The following CACNA2D3 variants were observed in gnomAD, a reference collection of about 807,000 sequenced individuals.
CACNA2D3 encodes the protein voltage-dependent calcium channel subunit alpha-2/delta-3.
Under a neutral mutation model 160.6 loss-of-function variants are expected in CACNA2D3, and 60 were observed. The observed-to-expected ratio is 0.37, with a 90% confidence interval of 0.30 to 0.46. The LOEUF is 0.46. Ranked by LOEUF, CACNA2D3 falls within the 20% of genes least tolerant of loss-of-function variation. The pLI is 1.00. For synonymous variants in CACNA2D3, 558 were observed against 492.9 expected (o/e 1.13, Z -1.75); for missense variants, 1,205 against 1,365.0 (o/e 0.88, Z 1.85).
intron 6 of CACNA2D3, among the ~76,000 whole-genome samples, chr3:54,568,076 A>G (rs1702437450): frequency 6.6e-6 from 1 of 152,230 alleles, no homozygotes; most frequent in Admixed American, 6.5e-5. Context: ...TGTTGGGAAC[A>G]TGTGGCTTGA....
chr3:54,603,161 A>T (rs1305447717), intron 9 of CACNA2D3, among the ~76,000 whole-genome samples: 2 of 152,210 alleles, frequency 1.3e-5, no homozygotes, highest in Non-Finnish European at 2.9e-5. Context: ...GGCAGAATCA[A>T]TTAGGAAGCT....
At chr3:54,687,135 G>GTTTTTTTTTTTTTTTTTTTTTT (rs1290353261) in intron 11 of CACNA2D3, among the ~76,000 whole-genome samples, 2 of 88,906 alleles carry the variant, frequency 2.2e-5, no homozygotes, top group Non-Finnish European at 4.3e-5. Flanking sequence ...TTTTTTTTTT[G>GTTTTTTTTTTTTTTTTTTTTTT]TTTTTTTTTT....
intron 3 of CACNA2D3, among the ~76,000 whole-genome samples, chr3:54,332,414 C>G (rs1348208989): frequency 6.6e-6 from 1 of 152,132 alleles, no homozygotes; most frequent in Non-Finnish European, 1.5e-5. Flanking sequence ...AACATAGCAC[C>G]CAGCCACCCT....
chr3:54,541,298 A>G (rs1420227245), intron 5 of CACNA2D3, among the ~76,000 whole-genome samples: 6 of 126,916 alleles, frequency 4.7e-5, no homozygotes, highest in East Asian at 2.3e-4. Flanking sequence ...AAAAAAAAAA[A>G]AAAGAAAAGA....
At chr3:54,773,441 T>C (rs528758419) in intron 13 of CACNA2D3, among the ~76,000 whole-genome samples, 4 of 152,332 alleles carry the variant, frequency 2.6e-5, no homozygotes, top group African/African-American at 7.2e-5. Flanking sequence ...TGCTGGGTTG[T>C]GGAACAGAGA....
At chr3:54,831,012 A>G (rs1416413941) in intron 14 of CACNA2D3, among the ~76,000 whole-genome samples, 1 of 152,250 alleles carries the variant, frequency 6.6e-6, no homozygotes, top group East Asian at 1.9e-4. Flanking sequence ...ATACATTTAT[A>G]TTATTTACTA....
chr3:54,881,431 CTCTTA>C (rs1054772428), intron 21 of CACNA2D3, among the ~76,000 whole-genome samples: 2 of 152,164 alleles, frequency 1.3e-5, no homozygotes, highest in South Asian at 2.1e-4. Context: ...TTCCCAGACC[CTCTTA>C]TCTTCATAAA....
intron 11 of CACNA2D3, among the ~76,000 whole-genome samples, chr3:54,642,849 TC>T (rs1699553132): frequency 6.6e-6 from 1 of 152,208 alleles, no homozygotes; most frequent in African/African-American, 2.4e-5. Context: ...CTCAGAGGTT[TC>T]TCAAGCTGTT....
At chr3:54,853,842 T>C (rs761171077) in intron 17 of CACNA2D3, among the ~76,000 whole-genome samples, 1 of 152,118 alleles carries the variant, frequency 6.6e-6, no homozygotes, top group Non-Finnish European at 1.5e-5. Flanking sequence ...CTCAGGACCA[T>C]GCATTCTGCC....
intron 5 of CACNA2D3, among the ~76,000 whole-genome samples, chr3:54,559,467 A>G (rs775754380): frequency 7.9e-5 from 12 of 151,812 alleles, no homozygotes; most frequent in Admixed American, 4.6e-4. Flanking sequence ...TAGTTTTTCT[A>G]TTTTTAGTAG....
At chr3:54,326,351 T>A (rs972698899) in intron 3 of CACNA2D3, among the ~76,000 whole-genome samples, 1 of 152,222 alleles carries the variant, frequency 6.6e-6, no homozygotes, top group African/African-American at 2.4e-5. Flanking sequence ...CTGGTGCCTG[T>A]CTACATATGT....
At position 54,989,766 on chromosome 3, in the gene CACNA2D3, G is replaced by A. The variant is rs941701760; in HGVS notation, c.2690+2013G>A. On this transcript the variant is annotated intron_variant, in intron 31 of 37. Coordinates refer to ENST00000474759, the MANE Select transcript of CACNA2D3 (RefSeq NM_018398.3). ...AGCTGCAGCCATGATTTTTGTTGTC[G>A]ATCTTTGTTCTGTCTTGAATTTGCT... Among the ~76,000 whole-genome samples the A allele has an allele frequency of 8.5e-5, 13 of 152,136 alleles. 1 individual carries two copies. The highest frequency in any genetic ancestry group is 5.8e-4 in the East Asian group (3 of 5,190).
At chr3:54,189,221 G>C (rs1409723459) in intron 2 of CACNA2D3, among the ~76,000 whole-genome samples, 1 of 152,186 alleles carries the variant, frequency 6.6e-6, no homozygotes, top group African/African-American at 2.4e-5. Flanking sequence ...TTCCTAGCGG[G>C]ACCCAGTGTG....
chr3:54,460,234 T>A (rs1700475434), intron 4 of CACNA2D3, among the ~76,000 whole-genome samples: 1 of 152,088 alleles, frequency 6.6e-6, no homozygotes, highest in African/African-American at 2.4e-5. Context: ...TTCTTTTGGC[T>A]TAGGATTGAC....
At position 54,872,967 on chromosome 3, in the gene CACNA2D3, A is replaced by G. The variant is rs375022535; in HGVS notation, c.1710+1345A>G. Among the ~76,000 whole-genome samples, 20 of 152,094 alleles carry G rather than the reference A, an allele frequency of 1.3e-4. No individual in the cohort carries two copies. The South Asian group carries it at 3.5e-3, about 27-fold the overall frequency. On this transcript the variant is annotated intron_variant, in intron 18 of 37. Coordinates refer to ENST00000474759, the MANE Select transcript of CACNA2D3 (RefSeq NM_018398.3). ...AATGTGCCCACCCTGGCTTAGCGCA[A>G]TTGTGAGGAGTGCCACTCAGGTTTT... is the stretch of plus-strand genomic sequence containing the variant.
chr3:54,953,670 A>C (rs578215361), intron 27 of CACNA2D3, among the ~76,000 whole-genome samples: 1 of 152,304 alleles, frequency 6.6e-6, no homozygotes, highest in South Asian at 2.1e-4. Flanking sequence ...GCTGGGAAGG[A>C]GGTGAGGATT....
intron 3 of CACNA2D3, among the ~76,000 whole-genome samples, chr3:54,349,906 C>G (rs1698523387): frequency 6.6e-6 from 1 of 152,244 alleles, no homozygotes; most frequent in South Asian, 2.1e-4. Context: ...CGTATGCTGG[C>G]TGCCATGACG....
intron 5 of CACNA2D3, among the ~76,000 whole-genome samples, chr3:54,539,247 G>T (rs1701933555): frequency 6.6e-6 from 1 of 152,292 alleles, no homozygotes; most frequent in Admixed American, 6.5e-5. Flanking sequence ...TATCATAGAG[G>T]CTTAAGTGAG....
intron 2 of CACNA2D3, among the ~76,000 whole-genome samples, chr3:54,199,171 A>G (rs77473960): frequency 0.023 from 3,436 of 152,260 alleles, 166 homozygotes; most frequent in African/African-American, 0.077. Context: ...TATACAAAAT[A>G]TAGACTAATA....
Sources: gnomAD v4.1 joint callset for allele counts (sites outside exome capture counted in the v4.1 genomes callset) on GRCh38, gnomAD v4.1.1 for gene constraint, MANE v1.5 for transcripts, NCBI Gene and HGNC (gene_info 2026-07-23, HGNC 2026-07-21) for gene names.